The following CEACAM6 variants were observed in gnomAD, a reference collection of about 807,000 sequenced individuals.
The protein encoded by CEACAM6 is cell adhesion molecule CEACAM6.
CEACAM6 carries 21 observed loss-of-function variants against 32.4 expected under a neutral mutation model. That is an observed-to-expected ratio of 0.65 (90% CI 0.46 to 0.93). The LOEUF (loss-of-function observed/expected upper bound fraction) is 0.93, where lower values mean the gene tolerates loss of function less well. Among genes scored for constraint, CEACAM6 ranks in the 40% least tolerant of loss-of-function variants. The pLI, the probability that CEACAM6 is intolerant of heterozygous loss-of-function variation, is 0.00. For synonymous variants in CEACAM6, 184 were observed against 174.4 expected, an observed-to-expected ratio of 1.06 and a Z score of -0.43; for missense variants, 406 against 432.2, an observed-to-expected ratio of 0.94 and a Z score of 0.54.
At chr19:41,761,160 AGGT>A (rs1319550822) in intron 2 of CEACAM6, 86 bp from the exon 3 acceptor site, 3 of 1,594,300 alleles carry the variant, frequency 1.9e-6, no homozygotes, top group Non-Finnish European at 2.6e-6. Flanking sequence ...GGGGGCTGAG[AGGT>A]GAGAGATGCC....
At chr19:41,759,652 A>G (rs1287111883) in intron 2 of CEACAM6, among the ~76,000 whole-genome samples, 2 of 152,182 alleles carry the variant, frequency 1.3e-5, no homozygotes, top group African/African-American at 4.8e-5. Flanking sequence ...GCACACCTAA[A>G]CCTTAGTATG....
rs1295244032 is a variant in CEACAM6, at chr19:41,771,469, T to A, written c.*708T>A. The A allele has an allele frequency of 1.3e-5, 2 of 152,178 alleles. No individual in the cohort carries two copies. Among genetic ancestry groups the A allele is most frequent in the East Asian group, 3.8e-4 (2 of 5,196 alleles). The allele number at this position is 152,178 out of a possible 1,614,324, so 9.4% of individuals were successfully genotyped here. On this transcript the variant is annotated 3_prime_UTR_variant, in exon 6 of 6. Coordinates refer to ENST00000199764, the MANE Select transcript of CEACAM6 (RefSeq NM_002483.7). ...TGTTGTTGAACATGGCTAAATACAATGGGTATCGCTGAGACTAAGTTGTAG... is the reference window on the plus strand; with the variant it reads ...TGTTGTTGAACATGGCTAAATACAAAGGGTATCGCTGAGACTAAGTTGTAG...
intron 5 of CEACAM6, among the ~76,000 whole-genome samples, chr19:41,770,131 G>T (rs555383282): frequency 5.9e-5 from 9 of 151,794 alleles, no homozygotes; most frequent in African/African-American, 2.2e-4. Flanking sequence ...AAGACCCCAG[G>T]CTGGGCACAG....
In CEACAM6 at chr19:41,756,925, G is replaced by A; in HGVS notation, c.390G>A (p.Val130=). 6.2e-7 allele frequency: 1 copy of A among 1,612,890 alleles called. No homozygotes were observed. The highest frequency in any genetic ancestry group is 1.3e-5 in the African/African-American group (1 of 74,982). Residue 130 remains valine, a synonymous_variant, in exon 2 of 6, where the codon GTG becomes GTA. Transcript: ENST00000199764. ...TACAAGTCATAAAGTCAGATCTTGT[G>A]AATGAAGAAGCAACCGGACAGTTCC... ...YTLQVIKSDL[V]NEEATGQFHV... is the part of the protein sequence containing the mutation.
Position 41,762,124 on chromosome 19 carries a change from C to T in CEACAM6, c.859C>T (p.Pro287Ser), listed in dbSNP as rs2072929051. ...GCAATCCACACAAGAGCTCTTTATC[C>T]CCAACATCACTGTGAATAATAGCGG... Reference protein sequence around the residue: ...FQQSTQELFIPNITVNNSGSY... With the variant: ...FQQSTQELFISNITVNNSGSY... The change falls in exon 4 of 6, where the codon CCC becomes TCC. Residue 287 changes from proline (P) to serine (S), a missense_variant. Pro to Ser is a moderately conservative substitution (Grantham distance 74, BLOSUM62 -1). Transcript: ENST00000199764. 3.7e-6 allele frequency: 6 copies of T among 1,614,162 alleles called. No individual in the cohort carries two copies. The highest frequency in any genetic ancestry group is 5.1e-6 in the Non-Finnish European group (6 of 1,180,038).
At chr19:41,764,397 C>A (rs2072944782) in intron 4 of CEACAM6, among the ~76,000 whole-genome samples, 1 of 152,102 alleles carries the variant, frequency 6.6e-6, no homozygotes, top group Admixed American at 6.5e-5. Context: ...AGTGATCCTC[C>A]TACCTCAGCC....
chr19:41,761,857 G>A, intron 3 of CEACAM6, 112 bp from the exon 4 acceptor site: 1 of 1,367,012 alleles, frequency 7.3e-7, no homozygotes, highest in Non-Finnish European at 1.0e-6. Context: ...GGGTTTGGTT[G>A]AGACTTCAGG....
rs140227407 is a variant in CEACAM6 at position 41,761,120 on chromosome 19, C to T, written c.425-129C>T. ...CATCGTGCATCTGTTGTGTGACACA[C>T]ACACCTGCCAGGGGCTTTTAAGGAC... On this transcript the variant is annotated intron_variant, in intron 2 of 5. Transcript: ENST00000199764. 502 of 1,534,778 alleles carry T rather than the reference C, an allele frequency of 3.3e-4. 3 individuals carry two copies. The African/African-American group carries it at 6.2e-3, about 19-fold the overall frequency.
At chr19:41,760,487 A>G (rs1350926598) in intron 2 of CEACAM6, among the ~76,000 whole-genome samples, 1 of 152,172 alleles carries the variant, frequency 6.6e-6, no homozygotes, top group Non-Finnish European at 1.5e-5. Context: ...TGCCCTCCGC[A>G]GAGGGAGAAG....
At chr19:41,770,013 T>A (rs893659046) in intron 5 of CEACAM6, among the ~76,000 whole-genome samples, 1 of 151,590 alleles carries the variant, frequency 6.6e-6, no homozygotes, top group Non-Finnish European at 1.5e-5. Flanking sequence ...CCATAGGCAC[T>A]GCTGGCAAAG....
intron 4 of CEACAM6, among the ~76,000 whole-genome samples, chr19:41,764,653 T>C (rs1398393796): frequency 2.0e-5 from 3 of 152,248 alleles, no homozygotes; most frequent in African/African-American, 7.2e-5. Flanking sequence ...AGTAAATGAT[T>C]GTCAATTTTG....
At chr19:41,764,238 A>G (rs2072943970) in intron 4 of CEACAM6, among the ~76,000 whole-genome samples, 1 of 152,132 alleles carries the variant, frequency 6.6e-6, no homozygotes, top group African/African-American at 2.4e-5. Context: ...ACAATTATTT[A>G]CCGCACTCTT....
At chr19:41,767,426 C>T (rs2072963068) in intron 5 of CEACAM6, among the ~76,000 whole-genome samples, 1 of 152,162 alleles carries the variant, frequency 6.6e-6, no homozygotes, top group African/African-American at 2.4e-5. Context: ...TCCCTACCCC[C>T]AGGGAACATA....
chr19:41,761,184 G>C, intron 2 of CEACAM6, 65 bp from the exon 3 acceptor site: 1 of 1,609,332 alleles, frequency 6.2e-7, no homozygotes, highest in Non-Finnish European at 8.5e-7. Context: ...AACTCTGATT[G>C]AAAGATGCCT....
intron 4 of CEACAM6, among the ~76,000 whole-genome samples, chr19:41,763,791 C>T (rs1198840393): frequency 2.0e-5 from 3 of 152,194 alleles, no homozygotes; most frequent in Admixed American, 6.5e-5. Context: ...TTCTGCACAG[C>T]GGAGCTGCCC....
At chr19:41,770,690 T>C (rs1183064205) in intron 5 of CEACAM6, 112 bp from the exon 6 acceptor site, 1 of 152,140 alleles carries the variant, frequency 6.6e-6, no homozygotes, top group Non-Finnish European at 1.5e-5. Context: ...TTATCTTTGG[T>C]AGAAATAAAG....
At chr19:41,766,082 T>C (rs561396839) in intron 4 of CEACAM6, 101 bp from the exon 5 acceptor site, 5 of 740,324 alleles carry the variant, frequency 6.8e-6, no homozygotes, top group African/African-American at 5.5e-5. Flanking sequence ...AGTGTATTCC[T>C]TGAAGGAACA....
intron 2 of CEACAM6, among the ~76,000 whole-genome samples, chr19:41,757,268 G>A (rs1454147066): frequency 6.6e-6 from 1 of 152,054 alleles, no homozygotes; most frequent in Non-Finnish European, 1.5e-5. Flanking sequence ...AAAGACCCTG[G>A]AGAACTGGAT....
chr19:41,756,499 A>ACTCC, intron 1 of CEACAM6, 101 bp from the exon 2 acceptor site: 1 of 1,339,036 alleles, frequency 7.5e-7, no homozygotes, highest in Non-Finnish European at 1.0e-6. Flanking sequence ...CACACGCTCC[A>ACTCC]ACGTGGAGGG....
Sources: gnomAD v4.1 joint callset for allele counts (sites outside exome capture counted in the v4.1 genomes callset) on GRCh38, gnomAD v4.1.1 for gene constraint, MANE v1.5 for transcripts, NCBI Gene and HGNC (gene_info 2026-07-23, HGNC 2026-07-21) for gene names.